Variants in CHSY3 observed in about 807,000 individuals in gnomAD.
CHSY3 encodes N-acetylgalactosaminyl-proteoglycan 3-beta-glucuronosyltransferase 3.
CHSY3 carries 35 observed loss-of-function variants against 67.2 expected under a neutral mutation model. That is an observed-to-expected ratio of 0.52 (90% CI 0.40 to 0.69). CHSY3 has a LOEUF of 0.69. Ranked by LOEUF, CHSY3 falls within the 30% of genes least tolerant of loss-of-function variation. The pLI, the probability that CHSY3 is intolerant of heterozygous loss-of-function variation, is 0.00. For synonymous variants in CHSY3, 474 were observed against 434.7 expected, an observed-to-expected ratio of 1.09 and a Z score of -1.12; for missense variants, 1,069 against 1,138.5, an observed-to-expected ratio of 0.94 and a Z score of 0.88.
chr5:130,162,057 A>AAAGAAAGAAAGAAAG (rs375466338), intron 2 of CHSY3, among the ~76,000 whole-genome samples: 1 of 122,980 alleles, frequency 8.1e-6, no homozygotes, highest in African/African-American at 3.1e-5. Flanking sequence ...AAAAAAAAAA[A>AAAGAAAGAAAGAAAG]AAAGAAAGAA....
Position 129,904,894 on chromosome 5 carries a change from C to A in CHSY3, c.65C>A (p.Ala22Asp). 1 of 1,525,618 alleles carries A rather than the reference C, an allele frequency of 6.6e-7. No individual in the cohort carries two copies. 94.5% of individuals were successfully genotyped at this position (1,525,618 alleles called of 1,614,324 possible). A position where few individuals can be genotyped will look rare whatever the true frequency, so the allele number is the denominator to read the frequency against. ...VALGLVLGFT[A>D]ASWLIAPRVA... ...TTAGGGCTGGTGCTGGGCTTCACCGCCGCGTCCTGGCTCATCGCCCCCAGG... is the reference window on the plus strand; with the variant it reads ...TTAGGGCTGGTGCTGGGCTTCACCGACGCGTCCTGGCTCATCGCCCCCAGG... The change falls in exon 1 of 3, where the codon GCC becomes GAC. Residue 22 changes from alanine (A) to aspartate (D), a missense_variant. Ala to Asp is a moderately radical substitution (Grantham distance 126). This residue lies in a region of CHSY3 where 309 missense variants were observed against 262.5 expected (regional missense o/e 1.18). Coordinates refer to ENST00000305031, the MANE Select transcript of CHSY3 (RefSeq NM_175856.5).
At chr5:130,048,398 A>G in intron 2 of CHSY3, among the ~76,000 whole-genome samples, 1 of 151,890 alleles carries the variant, frequency 6.6e-6, no homozygotes, top group East Asian at 1.9e-4. Context: ...TCCTTTTATT[A>G]TTTTATAGTT....
intron 2 of CHSY3, among the ~76,000 whole-genome samples, chr5:130,177,211 GTA>G (rs1180094651): frequency 2.0e-5 from 3 of 150,322 alleles, no homozygotes; most frequent in African/African-American, 4.9e-5. Context: ...ATGAGTGTGT[GTA>G]TATATATGTG....
chr5:130,028,626 C>T (rs1345577552), intron 2 of CHSY3, among the ~76,000 whole-genome samples: 1 of 152,070 alleles, frequency 6.6e-6, no homozygotes, highest in Non-Finnish European at 1.5e-5. Context: ...AACTTATTAT[C>T]TCACATAACT....
intron 2 of CHSY3, among the ~76,000 whole-genome samples, chr5:130,126,742 G>C (rs1035869865): frequency 3.9e-5 from 6 of 152,136 alleles, no homozygotes; most frequent in African/African-American, 7.2e-5. Flanking sequence ...TTTAGTGGTA[G>C]CATGACTATA....
chr5:129,919,780 G>T (rs1760857633), intron 2 of CHSY3, among the ~76,000 whole-genome samples: 1 of 152,098 alleles, frequency 6.6e-6, no homozygotes, highest in Admixed American at 6.5e-5. Context: ...CAATGACACT[G>T]ATTTGTATAA....
At chr5:130,081,675 G>T (rs1766451929) in intron 2 of CHSY3, among the ~76,000 whole-genome samples, 1 of 151,968 alleles carries the variant, frequency 6.6e-6, no homozygotes. Flanking sequence ...CATGAGATCT[G>T]ATGGTTTTAT....
intron 2 of CHSY3, among the ~76,000 whole-genome samples, chr5:129,935,012 A>G (rs948798377): frequency 6.6e-6 from 1 of 152,208 alleles, no homozygotes; most frequent in East Asian, 1.9e-4. Flanking sequence ...AAACTACTTA[A>G]AAGAGCTATT....
At chr5:130,050,503 A>G (rs1765306739) in intron 2 of CHSY3, among the ~76,000 whole-genome samples, 1 of 152,152 alleles carries the variant, frequency 6.6e-6, no homozygotes, top group African/African-American at 2.4e-5. Flanking sequence ...TTTATAAAGA[A>G]ATAATAATTT....
chr5:130,171,405 G>A (rs914099678), intron 2 of CHSY3, among the ~76,000 whole-genome samples: 29 of 152,028 alleles, frequency 1.9e-4, no homozygotes, highest in African/African-American at 6.3e-4. Flanking sequence ...AAATGATTAT[G>A]TGTCATTATA....
Position 129,984,199 on chromosome 5 carries a change from G to A in CHSY3, c.1086+75839G>A, listed in dbSNP as rs528039198. Among the ~76,000 whole-genome samples, 14 of 152,170 alleles carry A rather than the reference G, an allele frequency of 9.2e-5. No individual in the cohort carries two copies. The South Asian group carries it at 2.9e-3, about 32-fold the overall frequency. On this transcript the variant is annotated intron_variant, in intron 2 of 2. Transcript: ENST00000305031. ...CTCTCCTCCCAACCTGTACTCTCAA[G>A]TAGGCCTCAATGTCTGTTGTTCCCT... is the stretch of plus-strand genomic sequence containing the variant.
intron 2 of CHSY3, among the ~76,000 whole-genome samples, chr5:129,958,592 G>C (rs1488924990): frequency 6.6e-6 from 1 of 152,130 alleles, no homozygotes; most frequent in Non-Finnish European, 1.5e-5. Flanking sequence ...GTGCAGCAGT[G>C]TGATCACAGA....
intron 2 of CHSY3, among the ~76,000 whole-genome samples, chr5:130,171,091 T>C (rs1769883284): frequency 6.6e-6 from 1 of 152,152 alleles, no homozygotes; most frequent in Admixed American, 6.6e-5. Flanking sequence ...TTGTAATAAA[T>C]AGTGAGTACT....
At chr5:130,104,363 A>T (rs1249048906) in intron 2 of CHSY3, among the ~76,000 whole-genome samples, 1 of 151,850 alleles carries the variant, frequency 6.6e-6, no homozygotes, top group African/African-American at 2.4e-5. Flanking sequence ...TTCAGGAATG[A>T]ATTAACACCC....
At chr5:130,021,042 A>G (rs1196680949) in intron 2 of CHSY3, among the ~76,000 whole-genome samples, 1 of 152,226 alleles carries the variant, frequency 6.6e-6, no homozygotes, top group African/African-American at 2.4e-5. Context: ...GGTGAAAGAC[A>G]TCTGCCAAGA....
chr5:129,993,356 A>G (rs1763427005), intron 2 of CHSY3, among the ~76,000 whole-genome samples: 1 of 152,078 alleles, frequency 6.6e-6, no homozygotes, highest in South Asian at 2.1e-4. Flanking sequence ...GTCTCTTTGT[A>G]GGTGTCTAAT....
chr5:129,962,472 T>C (rs1351838000), intron 2 of CHSY3, among the ~76,000 whole-genome samples: 1 of 152,042 alleles, frequency 6.6e-6, no homozygotes, highest in African/African-American at 2.4e-5. Flanking sequence ...TCAAGATTGT[T>C]CTCTGATTTG....
At chr5:130,018,753 G>C (rs1387303335) in intron 2 of CHSY3, among the ~76,000 whole-genome samples, 1 of 152,182 alleles carries the variant, frequency 6.6e-6, no homozygotes, top group Non-Finnish European at 1.5e-5. Context: ...GTGTGGTGAT[G>C]TTTGGAGATG....
chr5:130,122,422 A>C (rs1768067627), intron 2 of CHSY3, among the ~76,000 whole-genome samples: 1 of 152,176 alleles, frequency 6.6e-6, no homozygotes, highest in Non-Finnish European at 1.5e-5. Context: ...ATTATTTCAC[A>C]CTTAGGCTTT....
Sources: gnomAD v4.1 joint callset for allele counts (sites outside exome capture counted in the v4.1 genomes callset) on GRCh38, gnomAD v4.1.1 for gene constraint, gnomAD v4.1.1 regional missense constraint, MANE v1.5 for transcripts, NCBI Gene and HGNC (gene_info 2026-07-23, HGNC 2026-07-21) for gene names.